AGBL4: variants seen among roughly 807,000 people sequenced by gnomAD.
AGBL4 encodes the protein cytosolic carboxypeptidase 6.
A neutral mutation model predicts 66.4 loss-of-function variants in AGBL4; 58 were observed. The ratio of observed to expected loss-of-function variants is 0.87; its 90% CI spans 0.71 to 1.09. The LOEUF (loss-of-function observed/expected upper bound fraction) is 1.09, where lower values mean the gene tolerates loss of function less well. Among genes scored for constraint, AGBL4 ranks in the 50% least tolerant of loss-of-function variants. The pLI is 0.00. For synonymous variants in AGBL4, 234 were observed against 222.9 expected, an observed-to-expected ratio of 1.05 and a Z score of -0.44; for missense variants, 579 against 631.0, an observed-to-expected ratio of 0.92 and a Z score of 0.88.
At chr1:49,690,790 G>C (rs1375659543) in intron 3 of AGBL4, among the ~76,000 whole-genome samples, 1 of 152,120 alleles carries the variant, frequency 6.6e-6, no homozygotes, top group African/African-American at 2.4e-5. Flanking sequence ...TTGCTGCACT[G>C]TTCCTATGGA....
rs1485530713 is a variant in AGBL4, at chr1:48,708,092, A to T, written c.635-44851T>A. ...GAGAGGTGAAAGGATTTTCCAAGGT[A>T]ACATGGGATTTTCCAGGGTCTTGGA... On this transcript the variant is annotated intron_variant, in intron 6 of 13. Transcript: ENST00000371839. Among the ~76,000 whole-genome samples the T allele has an allele frequency of 3.9e-5, 6 of 152,324 alleles. No individual in the cohort carries two copies. The East Asian group carries it at 9.6e-4, about 24-fold the overall frequency.
At chr1:49,281,001 T>A (rs1343915264) in intron 3 of AGBL4, among the ~76,000 whole-genome samples, 2 of 152,228 alleles carry the variant, frequency 1.3e-5, no homozygotes, top group African/African-American at 4.8e-5. Flanking sequence ...ATTATTACCG[T>A]ATATATAATT....
intron 3 of AGBL4, among the ~76,000 whole-genome samples, chr1:49,251,172 G>A (rs1054934120): frequency 2.0e-5 from 3 of 152,114 alleles, no homozygotes; most frequent in Non-Finnish European, 4.4e-5. Flanking sequence ...TGTGTGAGCA[G>A]ACCATGCCTG....
chr1:48,979,350 A>T (rs1213508144), intron 5 of AGBL4, among the ~76,000 whole-genome samples: 2 of 152,152 alleles, frequency 1.3e-5, no homozygotes, highest in Admixed American at 1.3e-4. Flanking sequence ...TTTAGATTGT[A>T]TTTAGATTGT....
At chr1:49,696,260 G>T (rs908758655) in intron 3 of AGBL4, among the ~76,000 whole-genome samples, 1 of 152,024 alleles carries the variant, frequency 6.6e-6, no homozygotes, top group Non-Finnish European at 1.5e-5. Flanking sequence ...CTTACGATTT[G>T]AGTTTTATTA....
intron 3 of AGBL4, among the ~76,000 whole-genome samples, chr1:49,304,785 C>T (rs1644820144): frequency 6.6e-6 from 1 of 152,148 alleles, no homozygotes; most frequent in African/African-American, 2.4e-5. Flanking sequence ...GGACTTCACT[C>T]AGATGCCAGT....
At position 50,004,687 on chromosome 1, in the gene AGBL4, C is replaced by T. The variant is rs12026335; in HGVS notation, c.34+19076G>A. 8.1e-3 allele frequency among the ~76,000 whole-genome samples: 1,237 copies of T among 152,154 alleles called. 9 individuals are homozygous for T. The highest frequency in any genetic ancestry group is 0.031 in the Middle Eastern group (9 of 294). ...CCTGGGCAAGAAGGGAACCTGCAGC[C>T]CTGAAAGGAAGGGAAGAGTCTTAGC... On this transcript the variant is annotated intron_variant, in intron 1 of 13. Transcript: ENST00000371839.
chr1:49,324,516 C>T (rs1378701945), intron 3 of AGBL4, among the ~76,000 whole-genome samples: 1 of 152,230 alleles, frequency 6.6e-6, no homozygotes, highest in Admixed American at 6.5e-5. Context: ...CCATTACTTT[C>T]CTCCTGGCAC....
rs563458321 is a variant in AGBL4, at chr1:48,999,308, A to G, written c.594+46276T>C. Reference sequence around the variant, plus strand: ...TGGCTGTGCTTGGATTTCAATTGCCATAATAATCATCATCATCACAGAAGT... The same window carrying G: ...TGGCTGTGCTTGGATTTCAATTGCCGTAATAATCATCATCATCACAGAAGT... On this transcript the variant is annotated intron_variant, in intron 5 of 13. Transcript: ENST00000371839. 5.9e-5 allele frequency among the ~76,000 whole-genome samples: 9 copies of G among 152,322 alleles called. No homozygotes were observed. The South Asian group carries it at 1.7e-3, about 28-fold the overall frequency.
intron 2 of AGBL4, among the ~76,000 whole-genome samples, chr1:49,819,638 T>C (rs1157687967): frequency 6.6e-6 from 1 of 152,230 alleles, no homozygotes; most frequent in African/African-American, 2.4e-5. Flanking sequence ...TGCTAATCTG[T>C]GCTGGTAAAT....
At chr1:49,965,972 C>T (rs1231104372) in intron 1 of AGBL4, among the ~76,000 whole-genome samples, 1 of 143,654 alleles carries the variant, frequency 7.0e-6, no homozygotes, top group East Asian at 2.0e-4. Context: ...GACGGAGTCT[C>T]GCTCTGTCAC....
chr1:48,846,866 T>C (rs1362097206), intron 6 of AGBL4, among the ~76,000 whole-genome samples: 1 of 152,222 alleles, frequency 6.6e-6, no homozygotes, highest in Non-Finnish European at 1.5e-5. Context: ...TACAATCATT[T>C]TCTTTTGAGA....
intron 4 of AGBL4, among the ~76,000 whole-genome samples, chr1:49,215,843 C>A (rs573230541): frequency 6.6e-6 from 1 of 152,062 alleles, no homozygotes; most frequent in South Asian, 2.1e-4. Flanking sequence ...CAATTTTTTC[C>A]TCCTCCCATT....
chr1:48,739,087 T>C (rs1649512185), intron 6 of AGBL4, among the ~76,000 whole-genome samples: 1 of 152,154 alleles, frequency 6.6e-6, no homozygotes, highest in Non-Finnish European at 1.5e-5. Context: ...ACCTAACACA[T>C]CAATGTTCAG....
chr1:48,861,506 T>C (rs536156039), intron 6 of AGBL4, among the ~76,000 whole-genome samples: 2 of 152,222 alleles, frequency 1.3e-5, no homozygotes, highest in East Asian at 3.9e-4. Flanking sequence ...TATTGAAACC[T>C]GCCCAAGAAA....
intron 1 of AGBL4, among the ~76,000 whole-genome samples, chr1:49,864,137 T>C (rs752080895): frequency 3.9e-5 from 6 of 152,036 alleles, no homozygotes; most frequent in Non-Finnish European, 5.9e-5. Context: ...GGAAATCATA[T>C]TAAGTGAAAA....
chr1:49,530,285 CTA>C (rs1235046739), intron 3 of AGBL4, among the ~76,000 whole-genome samples: 12 of 36,350 alleles, frequency 3.3e-4, no homozygotes, highest in Non-Finnish European at 4.2e-4. Flanking sequence ...AAAAAAAACT[CTA>C]TGAGTTTTTT....
chr1:49,939,466 C>T (rs1475197713), intron 1 of AGBL4, among the ~76,000 whole-genome samples: 1 of 151,974 alleles, frequency 6.6e-6, no homozygotes, highest in Non-Finnish European at 1.5e-5. Context: ...TACAAGGCTA[C>T]AGTAACCAAA....
intron 3 of AGBL4, among the ~76,000 whole-genome samples, chr1:49,360,318 C>T (rs189881331): frequency 3.2e-4 from 49 of 152,266 alleles, no homozygotes; most frequent in Admixed American, 1.0e-3. Flanking sequence ...GTAAAACAAA[C>T]TCATATGCCA....
Sources: gnomAD v4.1 joint callset for allele counts (sites outside exome capture counted in the v4.1 genomes callset) on GRCh38, gnomAD v4.1.1 for gene constraint, MANE v1.5 for transcripts, NCBI Gene and HGNC (gene_info 2026-07-23, HGNC 2026-07-21) for gene names.